The following COMMD1 variants were observed in gnomAD, a reference collection of about 807,000 sequenced individuals.
COMMD1 encodes COMM domain-containing protein 1.
In COMMD1, 10 loss-of-function variants were observed where a neutral mutation model predicts 17.2. That is an observed-to-expected ratio of 0.58 (90% CI 0.36 to 0.99). The LOEUF is 0.99. Among genes scored for constraint, COMMD1 ranks in the 50% least tolerant of loss-of-function variants. COMMD1 has a pLI of 0.01. For missense variants in COMMD1, 270 were observed against 231.8 expected, an observed-to-expected ratio of 1.17 and a Z score of -1.07; for synonymous variants, 97 against 91.6, an observed-to-expected ratio of 1.06 and a Z score of -0.34.
At chr2:61,961,935 A>G (rs1388776940) in intron 1 of COMMD1, among the ~76,000 whole-genome samples, 1 of 152,090 alleles carries the variant, frequency 6.6e-6, no homozygotes, top group African/African-American at 2.4e-5. Context: ...ATTATAGGTC[A>G]TATTTTGAAT....
At chr2:61,901,936 C>T (rs563859338), upstream of COMMD1, among the ~76,000 whole-genome samples, 216 of 152,054 alleles carry the variant, frequency 1.4e-3, 1 homozygote, top group African/African-American at 3.6e-3. Context: ...TGGGTTCAAG[C>T]GATTCTCCTG....
chr2:61,996,541 A>G (rs1413626177), intron 1 of COMMD1, among the ~76,000 whole-genome samples: 1 of 152,086 alleles, frequency 6.6e-6, no homozygotes, highest in Admixed American at 6.6e-5. Context: ...ATAGCATTTT[A>G]CCCACAGTAG....
In COMMD1 at chr2:61,974,185, T is replaced by G. The variant is rs144571966; in HGVS notation, c.181-26516T>G. On this transcript the variant is annotated intron_variant, in intron 1 of 2. Coordinates refer to ENST00000311832, the MANE Select transcript of COMMD1 (RefSeq NM_152516.4). ...GGCATGCCTTTGTAATCCCAGCTAC[T>G]CAGGAGTCCAAGGCACGAGAATCGC... 2.7e-3 allele frequency among the ~76,000 whole-genome samples: 404 copies of G among 152,224 alleles called. 1 individual carries two copies. Among genetic ancestry groups the G allele is most frequent in the African/African-American group, 9.2e-3 (384 of 41,534 alleles).
At chr2:61,946,202 TA>T (rs914323020) in intron 1 of COMMD1, among the ~76,000 whole-genome samples, 9 of 152,122 alleles carry the variant, frequency 5.9e-5, no homozygotes, top group African/African-American at 9.6e-5. Flanking sequence ...TAAACCTAAT[TA>T]AAAAAAATTA....
At chr2:61,961,094 A>C (rs779245139) in intron 1 of COMMD1, among the ~76,000 whole-genome samples, 4 of 152,218 alleles carry the variant, frequency 2.6e-5, no homozygotes, top group Non-Finnish European at 4.4e-5. Flanking sequence ...TGGAGCACCA[A>C]ATTGTTGGAA....
At position 62,124,027 on chromosome 2, in the gene COMMD1, C is replaced by T. The variant is rs965270261; in HGVS notation, c.463-11804C>T. ...AGTTAAAGTTCCTCCCAGCCAGGCA[C>T]GGTGGCTCACACCTGTAATCCCAGC... On this transcript the variant is annotated intron_variant, in intron 2 of 2. Coordinates refer to ENST00000311832, the MANE Select transcript of COMMD1 (RefSeq NM_152516.4). Among the ~76,000 whole-genome samples, 6 of 152,154 alleles carry T rather than the reference C, an allele frequency of 3.9e-5. No individual in the cohort carries two copies. In the East Asian group the frequency reaches 5.8e-4, roughly 15 times the overall value.
chr2:61,977,850 G>A (rs1671847832), intron 1 of COMMD1, among the ~76,000 whole-genome samples: 1 of 151,700 alleles, frequency 6.6e-6, no homozygotes, highest in Non-Finnish European at 1.5e-5. Context: ...AGCCCAGGGG[G>A]TGGTGGTGTG....
intron 2 of COMMD1, among the ~76,000 whole-genome samples, chr2:62,032,755 C>A (rs1669943407): frequency 6.6e-6 from 1 of 151,474 alleles, no homozygotes; most frequent in South Asian, 2.1e-4. Flanking sequence ...CTCTCTTTCA[C>A]TCCTTCCTTC....
chr2:61,912,400 T>A (rs1362800584), intron 1 of COMMD1, among the ~76,000 whole-genome samples: 1 of 152,202 alleles, frequency 6.6e-6, no homozygotes, highest in African/African-American at 2.4e-5. Flanking sequence ...GCAAACTATG[T>A]CCTTTGGGAC....
intron 2 of COMMD1, among the ~76,000 whole-genome samples, chr2:62,008,488 A>G (rs1669188649): frequency 1.3e-5 from 2 of 152,228 alleles, no homozygotes; most frequent in African/African-American, 4.8e-5. Flanking sequence ...TATTTTATCA[A>G]CGTTCAGTCA....
At chr2:61,905,634 G>GGCGGGGCACGGCTCAGCTGTT, upstream of COMMD1, 1 of 1,491,916 alleles carries the variant, frequency 6.7e-7, no homozygotes, top group Non-Finnish European at 9.0e-7. Flanking sequence ...CGGCCGCCGT[G>GGCGGGGCACGGCTCAGCTGTT]GCGGGGCACG....
rs147801378 is a variant in COMMD1, at chr2:61,941,841, A to G, written c.180+35983A>G. Among the ~76,000 whole-genome samples, 20 of 152,318 alleles carry G rather than the reference A, an allele frequency of 1.3e-4. 1 individual carries two copies. In the East Asian group the frequency reaches 3.9e-3, roughly 29 times the overall value. On this transcript the variant is annotated intron_variant, in intron 1 of 2. Transcript: ENST00000311832. ...ACTATAAAAGTTTCTCCAGAATCTG[A>G]TGATACCAATCTATGAAACAGAACA...
intron 1 of COMMD1, among the ~76,000 whole-genome samples, chr2:61,961,468 C>A (rs747404732): frequency 6.6e-6 from 1 of 152,068 alleles, no homozygotes; most frequent in East Asian, 1.9e-4. Context: ...TCTGTCCAGG[C>A]GTGCCAGAGC....
intron 2 of COMMD1, among the ~76,000 whole-genome samples, chr2:62,112,774 C>T (rs1672489963): frequency 6.6e-6 from 1 of 152,158 alleles, no homozygotes; most frequent in Non-Finnish European, 1.5e-5. Flanking sequence ...ATATCTAAAC[C>T]TGTATAGTCA....
intron 1 of COMMD1, among the ~76,000 whole-genome samples, chr2:61,995,321 G>A (rs904615183): frequency 1.3e-5 from 2 of 152,168 alleles, no homozygotes; most frequent in East Asian, 1.9e-4. Flanking sequence ...CCCTCATTAC[G>A]TATATATAAC....
At chr2:61,906,102 G>C (rs1439286000) in intron 1 of COMMD1, among the ~76,000 whole-genome samples, 6 of 152,166 alleles carry the variant, frequency 3.9e-5, no homozygotes, top group South Asian at 2.1e-4. Flanking sequence ...CACCCACAGG[G>C]GTTTTTCCTT....
intron 2 of COMMD1, among the ~76,000 whole-genome samples, chr2:62,041,688 T>C (rs147132352): frequency 1.3e-3 from 205 of 152,328 alleles, no homozygotes; most frequent in Non-Finnish European, 2.4e-3. Context: ...GTTCTTGGTC[T>C]CGCTGACTTC....
chr2:62,126,755 A>G (rs577609608), intron 2 of COMMD1, among the ~76,000 whole-genome samples: 3 of 152,138 alleles, frequency 2.0e-5, no homozygotes, highest in African/African-American at 2.4e-5. Flanking sequence ...ATTCATGACA[A>G]ACCCACAGCC....
chr2:62,023,010 T>C (rs1573082444), intron 2 of COMMD1, among the ~76,000 whole-genome samples: 2 of 152,176 alleles, frequency 1.3e-5, no homozygotes, highest in African/African-American at 2.4e-5. Context: ...GCAGATCACC[T>C]GAGGTCAGGA....
Sources: allele counts gnomAD v4.1 joint callset (sites outside exome capture counted in the v4.1 genomes callset), GRCh38; gene constraint gnomAD v4.1.1; transcripts MANE v1.5; gene names NCBI Gene and HGNC (gene_info 2026-07-23, HGNC 2026-07-21).